D2HGDH: variants seen among roughly 807,000 people sequenced by gnomAD.
D2HGDH encodes D-2-hydroxyglutarate dehydrogenase, mitochondrial.
In D2HGDH, 31 loss-of-function variants were observed where a neutral mutation model predicts 46.9. The observed-to-expected ratio is 0.66, with a 90% CI of 0.50 to 0.89. The LOEUF is 0.89. Ranked by LOEUF, D2HGDH falls within the 40% of genes least tolerant of loss-of-function variation. The pLI is 0.00. For synonymous variants in D2HGDH, 364 were observed against 332.6 expected (o/e 1.09, Z -1.03); for missense variants, 698 against 720.8 (o/e 0.97, Z 0.36).
chr2:241,756,170 G>C (rs914006065), intron 9 of D2HGDH, among the ~76,000 whole-genome samples, 156 bp downstream of exon 9: 1 of 152,256 alleles, frequency 6.6e-6, no homozygotes, highest in Non-Finnish European at 1.5e-5. Flanking sequence ...TGTCTGACAG[G>C]GAAGGGAAAA....
chr2:241,735,685 C>G (rs1354073099), intron 2 of D2HGDH, among the ~76,000 whole-genome samples, 169 bp downstream of exon 2: 1 of 152,252 alleles, frequency 6.6e-6, no homozygotes, highest in African/African-American at 2.4e-5. Flanking sequence ...TGACCACGAA[C>G]GAGTCGCTTA....
rs371185345 is a variant in D2HGDH at position 241,767,886 on chromosome 2, C to A, written c.1483C>A (p.Leu495Met). Residue 495 changes from leucine (L) to methionine (M), a missense_variant, in exon 10 of 10, where the codon CTG becomes ATG. Leu to Met is a conservative substitution (Grantham distance 15, BLOSUM62 2). Transcript: ENST00000321264. ...VLGYSKPPGA[L>M]QLMQQLKALL... ...GGGCTACAGCAAGCCACCGGGGGCC[C>A]TGCAGCTCATGCAGCAGCTCAAGGC... The A allele has an allele frequency of 7.5e-6, 12 of 1,607,876 alleles. No homozygotes were observed. The highest frequency in any genetic ancestry group is 9.3e-6 in the Non-Finnish European group (11 of 1,177,716).
Position 241,751,392 on chromosome 2 carries a change from C to A in D2HGDH, c.1140+4C>A. 6.2e-7 allele frequency: 1 copy of A among 1,613,136 alleles called. No homozygotes were observed. ...CACCGACCAGAGGAAAGTCAAGGTG[C>A]CCTGTGTCCTGCTTGCAGGTCCCCG... On this transcript the variant is annotated splice_donor_region_variant and intron_variant, in intron 8 of 9. Transcript: ENST00000321264.
intron 9 of D2HGDH, among the ~76,000 whole-genome samples, chr2:241,759,433 T>C (rs2125165410): frequency 6.6e-6 from 1 of 152,384 alleles, no homozygotes; most frequent in Admixed American, 6.5e-5. Flanking sequence ...CATTGCCCGC[T>C]GCCTTGGTGT....
chr2:241,748,263 G>A (rs554981265), intron 6 of D2HGDH, among the ~76,000 whole-genome samples: 1 of 152,308 alleles, frequency 6.6e-6, no homozygotes, highest in Non-Finnish European at 1.5e-5. Flanking sequence ...TGGGATTACA[G>A]GCGCCCACCA....
At chr2:241,735,628 G>T in intron 2 of D2HGDH, 112 bp downstream of exon 2, 1 of 1,451,570 alleles carries the variant, frequency 6.9e-7, no homozygotes, top group Non-Finnish European at 9.4e-7. Context: ...CCAGCCCCTG[G>T]CTGCGCTGAG....
At position 241,747,318 on chromosome 2, in the gene D2HGDH, C is replaced by T. The variant is rs532363984; in HGVS notation, c.853+2441C>T. On this transcript the variant is annotated intron_variant, in intron 6 of 9. Coordinates refer to ENST00000321264, the MANE Select transcript of D2HGDH (RefSeq NM_152783.5). ...GTGCTTGGCTGTCTGTGGCAGTGTG[C>T]AGCTCATTATGTTTGAAGAATTATT... 4.1e-4 allele frequency among the ~76,000 whole-genome samples: 62 copies of T among 152,184 alleles called. 1 individual carries two copies. The South Asian group carries it at 0.013, about 31-fold the overall frequency.
At chr2:241,756,138 G>A (rs576451304) in intron 9 of D2HGDH, 124 bp downstream of exon 9, 350 of 1,342,490 alleles carry the variant, frequency 2.6e-4, no homozygotes, top group East Asian at 1.2e-3. Flanking sequence ...CATATCTCCC[G>A]TAGACACTGG....
chr2:241,762,140 T>C (rs1302827704), intron 9 of D2HGDH, among the ~76,000 whole-genome samples: 3 of 148,928 alleles, frequency 2.0e-5, no homozygotes, highest in African/African-American at 7.5e-5. Flanking sequence ...GGTGCGATCT[T>C]GGCTCACTGC....
Position 241,767,994 on chromosome 2 carries a change from C to A in D2HGDH, c.*25C>A. 6.4e-7 allele frequency: 1 copy of A among 1,570,690 alleles called. No individual in the cohort carries two copies. The highest frequency in any genetic ancestry group is 8.6e-7 in the Non-Finnish European group (1 of 1,163,574). On this transcript the variant is annotated 3_prime_UTR_variant, in exon 10 of 10. Transcript: ENST00000321264. The stretch of plus-strand genomic sequence containing the variant: ...ACGGCCACTCCTGCTGCTGCCAAGG[C>A]CCACTGGGGGTCGGCGGGTGGCTCT...
rs768614619 is a variant in D2HGDH, at chr2:241,755,095, C to G, written c.1141-754C>G. 14 of 1,303,864 alleles carry G rather than the reference C, an allele frequency of 1.1e-5. No homozygotes were observed. The East Asian group carries it at 6.7e-4, about 62-fold the overall frequency. 80.8% of individuals were successfully genotyped at this position (1,303,864 alleles called of 1,614,324 possible). ...AGCAAAAGCCACGCAAACCACAGGCCGATCTGTCTGAGCCCTAGGATTTGG... is the reference window on the plus strand; with the variant it reads ...AGCAAAAGCCACGCAAACCACAGGCGGATCTGTCTGAGCCCTAGGATTTGG... On this transcript the variant is annotated intron_variant, in intron 8 of 9. Transcript: ENST00000321264.
At chr2:241,764,995 G>C (rs897401716) in intron 9 of D2HGDH, among the ~76,000 whole-genome samples, 4 of 152,240 alleles carry the variant, frequency 2.6e-5, no homozygotes, top group African/African-American at 9.6e-5. Flanking sequence ...CTGCTGCCCT[G>C]GGGGCTCAGT....
intron 8 of D2HGDH, among the ~76,000 whole-genome samples, chr2:241,753,075 T>C (rs35061832): frequency 0.37 from 55,621 of 152,030 alleles, 10,859 homozygotes; most frequent in African/African-American, 0.51. Context: ...CAGGGCCGAA[T>C]GGGGCTGGTT....
chr2:241,759,280 TCTG>T (rs1698517456), intron 9 of D2HGDH, among the ~76,000 whole-genome samples: 1 of 152,184 alleles, frequency 6.6e-6, no homozygotes, highest in Non-Finnish European at 1.5e-5. Flanking sequence ...GTGTTAGAAA[TCTG>T]CTGACAACAG....
intron 6 of D2HGDH, chr2:241,749,330 CCTT>C: frequency 7.8e-7 from 1 of 1,288,628 alleles, no homozygotes; most frequent in Non-Finnish European, 1.0e-6. Context: ...GCCTGTGAGA[CCTT>C]CTCTCTGGAA....
At chr2:241,747,811 C>T (rs1330065293) in intron 6 of D2HGDH, among the ~76,000 whole-genome samples, 1 of 152,172 alleles carries the variant, frequency 6.6e-6, no homozygotes, top group Non-Finnish European at 1.5e-5. Context: ...AATTCTCCTG[C>T]CTTGGCCTCC....
intron 9 of D2HGDH, among the ~76,000 whole-genome samples, chr2:241,762,773 G>C (rs1357863860): frequency 1.3e-5 from 2 of 152,138 alleles, no homozygotes; most frequent in African/African-American, 2.4e-5. Flanking sequence ...TTCATCTCCG[G>C]AAGATTGGCG....
chr2:241,761,664 C>G (rs1281334049), intron 9 of D2HGDH, among the ~76,000 whole-genome samples: 1 of 152,170 alleles, frequency 6.6e-6, no homozygotes, highest in Non-Finnish European at 1.5e-5. Flanking sequence ...CCCCCAGGGA[C>G]ACTGAGGGGC....
rs1699275474 is a variant in D2HGDH, at chr2:241,767,793, T to C, written c.1390T>C (p.Trp464Arg). The change falls in exon 10 of 10, where the codon TGG becomes CGG. Residue 464 changes from tryptophan to arginine, a missense_variant. Coordinates refer to ENST00000321264, the MANE Select transcript of D2HGDH (RefSeq NM_152783.5). ...LAALEPHVYE[W>R]TAGQQGSVSA... ...TGCCCTGGAGCCCCACGTGTACGAG[T>C]GGACGGCCGGGCAGCAGGGCAGCGT... 6.2e-7 allele frequency: 1 copy of C among 1,611,918 alleles called. No homozygotes were observed. Among genetic ancestry groups the C allele is most frequent in the African/African-American group, 1.3e-5 (1 of 74,864 alleles).
Sources: gnomAD v4.1 joint callset for allele counts (sites outside exome capture counted in the v4.1 genomes callset) on GRCh38, gnomAD v4.1.1 for gene constraint, MANE v1.5 for transcripts, NCBI Gene and HGNC (gene_info 2026-07-23, HGNC 2026-07-21) for gene names.